The following ITGB3BP variants were observed in gnomAD, a reference collection of about 807,000 sequenced individuals.
The protein encoded by ITGB3BP is centromere protein R.
ITGB3BP carries 27 observed loss-of-function variants against 29.1 expected under a neutral mutation model. The ratio of observed to expected loss-of-function variants is 0.93; its 90% confidence interval spans 0.68 to 1.28. ITGB3BP has a LOEUF of 1.28. ITGB3BP is among the 50% of genes most tolerant of loss of function. The pLI is 0.00. For missense variants in ITGB3BP, 192 were observed against 200.2 expected (o/e 0.96, Z 0.25); for synonymous variants, 61 against 61.4 (o/e 0.99, Z 0.03).
chr1:63,512,845 A>T (rs1646230105), intron 1 of ITGB3BP, among the ~76,000 whole-genome samples: 1 of 152,188 alleles, frequency 6.6e-6, no homozygotes, highest in Non-Finnish European at 1.5e-5. Flanking sequence ...GATTCTTAGA[A>T]ATCCTTTGAT....
At chr1:63,502,153 T>C (rs1645947458) in intron 2 of ITGB3BP, among the ~76,000 whole-genome samples, 1 of 152,196 alleles carries the variant, frequency 6.6e-6, no homozygotes. Flanking sequence ...GTTTGTAATA[T>C]ATAATTCATC....
At chr1:63,516,129 A>G (rs939179584) in intron 1 of ITGB3BP, among the ~76,000 whole-genome samples, 11 of 151,438 alleles carry the variant, frequency 7.3e-5, no homozygotes, top group African/African-American at 2.7e-4. Flanking sequence ...ATAACTCAGA[A>G]GCAGAAAATT....
At chr1:63,450,708 C>T (rs557657952) in intron 7 of ITGB3BP, among the ~76,000 whole-genome samples, 1 of 151,988 alleles carries the variant, frequency 6.6e-6, no homozygotes, top group South Asian at 2.1e-4. Context: ...TCCTAATAGT[C>T]ATAAAGCCAG....
At position 63,504,328 on chromosome 1, in the gene ITGB3BP, A is replaced by G. The variant is rs574738488; in HGVS notation, c.48+4200T>C. On this transcript the variant is annotated intron_variant, in intron 2 of 8. Transcript: ENST00000271002. Reference sequence around the variant, plus strand: ...GGCTCTGTTTGTCTGTTATTGGTGTATAAGAATGCTTGTGATTTTTGTACA... The same window carrying G: ...GGCTCTGTTTGTCTGTTATTGGTGTGTAAGAATGCTTGTGATTTTTGTACA... Among the ~76,000 whole-genome samples the G allele has an allele frequency of 2.4e-3, 364 of 152,018 alleles. 1 individual carries two copies. The highest frequency in any genetic ancestry group is 3.7e-3 in the Non-Finnish European group (250 of 68,032).
In ITGB3BP at chr1:63,523,224, A is replaced by T. The variant is rs1429288754; in HGVS notation, c.-91T>A. On this transcript the variant is annotated 5_prime_UTR_variant, in exon 1 of 9. The change abolishes an upstream ATG in the 5' untranslated region. Coordinates refer to ENST00000271002, the MANE Select transcript of ITGB3BP (RefSeq NM_014288.5). ...AATCCGCCAAAGGAAACGCCAAGGC[A>T]TGAAAAGCGCGCGCTGGACGTTGCG... is the stretch of plus-strand genomic sequence containing the variant. 24 of 1,571,804 alleles carry T rather than the reference A, an allele frequency of 1.5e-5. No homozygotes were observed. The South Asian group carries it at 1.9e-4, about 12-fold the overall frequency.
intron 2 of ITGB3BP, among the ~76,000 whole-genome samples, chr1:63,503,370 C>A (rs1487749222): frequency 6.6e-6 from 1 of 151,534 alleles, no homozygotes; most frequent in Non-Finnish European, 1.5e-5. Flanking sequence ...TTGTTTTTTT[C>A]TTGTAAATTT....
At chr1:63,517,595 G>A (rs1005583016) in intron 1 of ITGB3BP, among the ~76,000 whole-genome samples, 1 of 151,948 alleles carries the variant, frequency 6.6e-6, no homozygotes, top group Non-Finnish European at 1.5e-5. Flanking sequence ...GAAATATATT[G>A]ATCTTTGTAC....
intron 3 of ITGB3BP, among the ~76,000 whole-genome samples, chr1:63,489,665 C>T (rs980994733): frequency 6.6e-6 from 1 of 151,874 alleles, no homozygotes; most frequent in Admixed American, 6.6e-5. Context: ...TAAAGATATA[C>T]TAAATGTGGG....
intron 2 of ITGB3BP, among the ~76,000 whole-genome samples, chr1:63,508,279 C>A (rs917210538): frequency 2.0e-5 from 3 of 152,008 alleles, no homozygotes; most frequent in Admixed American, 6.6e-5. Context: ...TAAATTATTT[C>A]ATTAAGGTTT....
At chr1:63,524,465 C>T (rs1646543373), upstream of ITGB3BP, among the ~76,000 whole-genome samples, 1 of 152,116 alleles carries the variant, frequency 6.6e-6, no homozygotes, top group South Asian at 2.1e-4. Context: ...CTTTCTTTCC[C>T]AAGTGTAAAT....
intron 7 of ITGB3BP, 150 bp from the exon 8 acceptor site, chr1:63,447,006 T>A: frequency 1.7e-6 from 1 of 604,070 alleles, no homozygotes; most frequent in Admixed American, 3.0e-5. Context: ...GGCTATAAAT[T>A]CTCATTTCAA....
At chr1:63,477,309 A>G (rs1471526902) in intron 4 of ITGB3BP, among the ~76,000 whole-genome samples, 2 of 152,242 alleles carry the variant, frequency 1.3e-5, no homozygotes, top group African/African-American at 4.8e-5. Context: ...GCCACAGATT[A>G]TAACACTATT....
At chr1:63,508,947 A>G (rs547970502) in intron 1 of ITGB3BP, among the ~76,000 whole-genome samples, 1 of 152,300 alleles carries the variant, frequency 6.6e-6, no homozygotes, top group African/African-American at 2.4e-5. Flanking sequence ...AAAATAATTT[A>G]TACACTTTCA....
chr1:63,496,429 C>T (rs1645789776), intron 2 of ITGB3BP, among the ~76,000 whole-genome samples: 5 of 152,118 alleles, frequency 3.3e-5, no homozygotes, highest in Admixed American at 3.3e-4. Flanking sequence ...TACCTTGGTT[C>T]TTACTTTCTC....
At chr1:63,525,824 A>AATAAATAGGT, upstream of ITGB3BP, 1 of 1,118,798 alleles carries the variant, frequency 8.9e-7, no homozygotes, top group South Asian at 1.6e-5. Context: ...GGTCCGAAAG[A>AATAAATAGGT]CTGAAATTAG....
chr1:63,490,829 A>G (rs1001915242), intron 2 of ITGB3BP, among the ~76,000 whole-genome samples: 2 of 152,158 alleles, frequency 1.3e-5, no homozygotes, highest in South Asian at 4.1e-4. Flanking sequence ...ACATATTTTA[A>G]TAAGTTCTGT....
At position 63,446,791 on chromosome 1, in the gene ITGB3BP, A is replaced by C; in HGVS notation, c.*1+15T>G. The C allele has an allele frequency of 1.9e-6, 3 of 1,569,848 alleles. No homozygotes were observed. The African/African-American group carries it at 4.1e-5, about 21-fold the overall frequency. On this transcript the variant is annotated intron_variant, in intron 8 of 8. Coordinates refer to ENST00000271002, the MANE Select transcript of ITGB3BP (RefSeq NM_014288.5). ...TTTCACAAGGTTAAACTAAATTAGA[A>C]AGGTGAAACAGTACCTCAGTTTAAA...
At chr1:63,518,380 G>A (rs77998136) in intron 1 of ITGB3BP, among the ~76,000 whole-genome samples, 7,004 of 152,118 alleles carry the variant, frequency 0.046, 227 homozygotes, top group Non-Finnish European at 0.066. Context: ...TTTTGTATAA[G>A]TTGTCAAGTT....
At chr1:63,522,987 C>T (rs572089942) in intron 1 of ITGB3BP, 142 bp downstream of exon 1, 2 of 938,296 alleles carry the variant, frequency 2.1e-6, no homozygotes, top group East Asian at 4.8e-5. Context: ...GGGTACCAAG[C>T]GAAGGGAATT....
Sources: gnomAD v4.1 joint callset for allele counts (sites outside exome capture counted in the v4.1 genomes callset) on GRCh38, gnomAD v4.1.1 for gene constraint, MANE v1.5 for transcripts, NCBI Gene and HGNC (gene_info 2026-07-23, HGNC 2026-07-21) for gene names.